The following MYCBP2 variants were observed in gnomAD, a reference collection of about 807,000 sequenced individuals.
MYCBP2 encodes MYC binding protein 2.
Under a neutral mutation model 525.3 loss-of-function variants are expected in MYCBP2, and 120 were observed. That is an observed-to-expected ratio of 0.23 (90% CI 0.20 to 0.27). MYCBP2 has a LOEUF of 0.27. Ranked by LOEUF, MYCBP2 falls within the 10% of genes least tolerant of loss-of-function variation. The pLI, the probability that MYCBP2 is intolerant of heterozygous loss-of-function variation, is 1.00. For missense variants in MYCBP2, 4,149 were observed against 5,657.1 expected, an observed-to-expected ratio of 0.73 and a Z score of 8.55; for synonymous variants, 1,894 against 1,955.8, an observed-to-expected ratio of 0.97 and a Z score of 0.83.
At chr13:77,143,619 A>T (rs2055039674) in intron 49 of MYCBP2, among the ~76,000 whole-genome samples, 1 of 152,164 alleles carries the variant, frequency 6.6e-6, no homozygotes, top group Admixed American at 6.5e-5. Context: ...GTGCGAGCCA[A>T]TTTCCCTAAT....
intron 1 of MYCBP2, among the ~76,000 whole-genome samples, chr13:77,308,664 C>G (rs2079762297): frequency 6.6e-6 from 1 of 152,146 alleles, no homozygotes. Context: ...TTCAAGAATT[C>G]AAGTGCAGTA....
chr13:77,197,075 A>AT (rs1457775092), intron 26 of MYCBP2, among the ~76,000 whole-genome samples: 1 of 152,150 alleles, frequency 6.6e-6, no homozygotes, highest in Non-Finnish European at 1.5e-5. Context: ...GAAGAGCTCA[A>AT]TTGGGTTAAA....
Position 77,051,127 on chromosome 13 carries a change from A to G in MYCBP2, c.13791T>C (p.Tyr4597=), listed in dbSNP as rs1566276532. The G allele has an allele frequency of 1.2e-6, 2 of 1,612,138 alleles. No homozygotes were observed. The highest frequency in any genetic ancestry group is 2.2e-5 in the East Asian group (1 of 44,852). The part of the protein sequence containing the change: ...CPKHGTDFLE[Y]KCRYCCSVAV... ...CCACTGAACAGCAGTAGCGACATTTATATTCCAAAAAGTCTGTGCCATGTT... is the reference window on the plus strand; with the variant it reads ...CCACTGAACAGCAGTAGCGACATTTGTATTCCAAAAAGTCTGTGCCATGTT... The change falls in exon 82 of 83, where the codon TAT becomes TAC. Residue 4597 remains tyrosine (Y), a synonymous_variant. Coordinates refer to ENST00000544440, the MANE Select transcript of MYCBP2 (RefSeq NM_015057.5).
intron 26 of MYCBP2, among the ~76,000 whole-genome samples, chr13:77,202,135 G>C (rs1000461638): frequency 1.3e-5 from 2 of 152,120 alleles, no homozygotes; most frequent in East Asian, 1.9e-4. Context: ...AAAATTGATA[G>C]ACCGCTAACA....
intron 32 of MYCBP2, among the ~76,000 whole-genome samples, chr13:77,184,085 G>A (rs2060509463): frequency 6.6e-6 from 1 of 152,058 alleles, no homozygotes; most frequent in Non-Finnish European, 1.5e-5. Context: ...TAGCAGCTTA[G>A]GTCACTGATT....
intron 18 of MYCBP2, among the ~76,000 whole-genome samples, chr13:77,227,575 G>C (rs1353898510): frequency 1.3e-5 from 2 of 151,284 alleles, no homozygotes; most frequent in African/African-American, 4.9e-5. Flanking sequence ...AAATTTTACG[G>C]CTTTATCTCA....
In MYCBP2 at chr13:77,326,949, T is replaced by TC. The variant is rs1169988957; in HGVS notation, c.-175dup. ...CTTCTCCTCCTCCTTCTTCTCCTCC[T>TC]CCCCCCCGCGCCGCCCTCGCCGCTA... On this transcript the variant is annotated 5_prime_UTR_variant, in exon 1 of 83. An upstream open reading frame in the 5' UTR loses its in-frame stop. Coordinates refer to ENST00000544440, the MANE Select transcript of MYCBP2 (RefSeq NM_015057.5). The surrounding 1 kb of genome is among the most constrained non-coding windows in gnomAD (Gnocchi z 4.2). 1.5e-5 allele frequency: 8 copies of TC among 521,484 alleles called. No individual in the cohort carries two copies. Among genetic ancestry groups the TC allele is most frequent in the Admixed American group, 4.4e-5 (1 of 22,724 alleles). The allele number at this position is 521,484 out of a possible 1,614,324, so 32.3% of individuals were successfully genotyped here. A position where few individuals can be genotyped will look rare whatever the true frequency, so the allele number is the denominator to read the frequency against.
At chr13:77,235,517 C>CA (rs141744264) in intron 17 of MYCBP2, among the ~76,000 whole-genome samples, 68 of 151,962 alleles carry the variant, frequency 4.5e-4, no homozygotes, top group Admixed American at 3.7e-3. Flanking sequence ...GAGAGGTATG[C>CA]AAAAAAACAG....
Position 77,093,161 on chromosome 13 carries a change from A to G in MYCBP2, c.10367+4T>C, listed in dbSNP as rs114006768. ...ATTCAACAGACAGGAGAGAACTAAAATACCTTGGTGGCATAGACTTCATAT... is the reference window on the plus strand; with the variant it reads ...ATTCAACAGACAGGAGAGAACTAAAGTACCTTGGTGGCATAGACTTCATAT... On this transcript the variant is annotated splice_donor_region_variant and intron_variant, in intron 59 of 82. Transcript: ENST00000544440. 1,025 of 1,605,668 alleles carry G rather than the reference A, an allele frequency of 6.4e-4. 3 individuals are homozygous for G. The African/African-American group carries it at 0.012, about 18-fold the overall frequency.
At chr13:77,299,861 G>C (rs1465139205) in intron 1 of MYCBP2, among the ~76,000 whole-genome samples, 1 of 152,060 alleles carries the variant, frequency 6.6e-6, no homozygotes, top group Non-Finnish European at 1.5e-5. Flanking sequence ...CTATTAACAT[G>C]CCTTAAATAT....
At chr13:77,191,652 T>G in intron 28 of MYCBP2, 27 bp downstream of exon 28, 1 of 1,606,582 alleles carries the variant, frequency 6.2e-7, no homozygotes. Flanking sequence ...TAAGTATTGC[T>G]TAAGTAACAC....
At position 77,078,767 on chromosome 13, in the gene MYCBP2, GAGA is replaced by G. The variant is rs1476326280; in HGVS notation, c.11484+54_11484+56del. ...AGGGTGGAATTCAATAGTGAAGGCT[GAGA>G]AGAAGAAATTTCTCTCTAGGTAGCG... On this transcript the variant is annotated intron_variant, in intron 66 of 82. Transcript: ENST00000544440. 9.2e-6 allele frequency: 13 copies of G among 1,408,010 alleles called. No homozygotes were observed. The Admixed American group carries it at 1.7e-4, about 18-fold the overall frequency. The allele number at this position is 1,408,010 out of a possible 1,614,324, so 87.2% of individuals were successfully genotyped here.
intron 23 of MYCBP2, 152 bp from the exon 24 acceptor site, chr13:77,206,977 CAT>C: frequency 1.8e-6 from 1 of 542,452 alleles, no homozygotes; most frequent in Admixed American, 4.0e-5. Flanking sequence ...CTAAGCTAAA[CAT>C]ATAAAAAAAC....
rs2035327197 is a variant in MYCBP2 at position 77,045,274 on chromosome 13, G to A, written c.*104C>T. The A allele has an allele frequency of 1.5e-6, 1 of 657,104 alleles. No homozygotes were observed. Among genetic ancestry groups the A allele is most frequent in the South Asian group, 2.1e-5 (1 of 48,140 alleles). The allele number at this position is 657,104 out of a possible 1,614,324, so 40.7% of individuals were successfully genotyped here. A position where few individuals can be genotyped will look rare whatever the true frequency, so the allele number is the denominator to read the frequency against. On this transcript the variant is annotated 3_prime_UTR_variant, in exon 83 of 83. Coordinates refer to ENST00000544440, the MANE Select transcript of MYCBP2 (RefSeq NM_015057.5). The stretch of plus-strand genomic sequence containing the variant: ...CTGTGAATGGTTCATTTTCATGGAT[G>A]TAAAAATGGTCCCGTCCTTATCCTG...
Position 77,258,643 on chromosome 13 carries a change from T to A in MYCBP2, c.2018-814A>T, listed in dbSNP as rs570959459. 2.6e-5 allele frequency among the ~76,000 whole-genome samples: 4 copies of A among 152,288 alleles called. No homozygotes were observed. In the South Asian group the frequency reaches 6.2e-4, roughly 24 times the overall value. On this transcript the variant is annotated intron_variant, in intron 13 of 82. Transcript: ENST00000544440. ...CTTTCACCTTTCACTAGTTTAGGTCTTTTTGTTAATTATACCTCAAAAATT... is the reference window on the plus strand; with the variant it reads ...CTTTCACCTTTCACTAGTTTAGGTCATTTTGTTAATTATACCTCAAAAATT...
chr13:77,084,812 A>G (rs751404515), intron 62 of MYCBP2, among the ~76,000 whole-genome samples: 3 of 151,966 alleles, frequency 2.0e-5, no homozygotes, highest in African/African-American at 7.2e-5. Context: ...GACCCTAGGG[A>G]TATTTTTATG....
At chr13:77,230,246 C>A (rs1257152662) in intron 18 of MYCBP2, among the ~76,000 whole-genome samples, 1 of 152,094 alleles carries the variant, frequency 6.6e-6, no homozygotes, top group East Asian at 1.9e-4. Flanking sequence ...TCTCCTTACA[C>A]CCTCACAAAA....
chr13:77,215,121 T>C (rs775034258), intron 21 of MYCBP2, among the ~76,000 whole-genome samples: 75 of 152,340 alleles, frequency 4.9e-4, no homozygotes, highest in Middle Eastern at 3.4e-3. Context: ...CTCTTGAGTA[T>C]ACAATTTTTG....
At position 77,278,745 on chromosome 13, in the gene MYCBP2, C is replaced by G. The variant is rs1187519785; in HGVS notation, c.748+13G>C. On this transcript the variant is annotated intron_variant, in intron 4 of 82. Transcript: ENST00000544440. ...ACTTTTAAATGCTTCACTGAATGAG[C>G]CTTGGCTCTTACCTAGGACCTCAGG... 6.6e-7 allele frequency: 1 copy of G among 1,509,172 alleles called. No individual in the cohort carries two copies. The highest frequency in any genetic ancestry group is 1.4e-5 in the African/African-American group (1 of 70,148). 93.5% of individuals were successfully genotyped at this position (1,509,172 alleles called of 1,614,324 possible).
Sources: gnomAD v4.1 joint callset for allele counts (sites outside exome capture counted in the v4.1 genomes callset) on GRCh38, gnomAD v4.1.1 for gene constraint, Gnocchi (gnomAD v3.1) non-coding constraint, MANE v1.5 for transcripts, NCBI Gene and HGNC (gene_info 2026-07-23, HGNC 2026-07-21) for gene names.